VHL: variants seen among roughly 807,000 people sequenced by gnomAD.
VHL encodes von Hippel-Lindau tumor suppressor.
VHL carries 10 observed loss-of-function variants against 19.2 expected under a neutral mutation model. The ratio of observed to expected loss-of-function variants is 0.52; its 90% CI spans 0.32 to 0.89. VHL has a LOEUF of 0.89. VHL is among the 40% of genes least tolerant of loss of function. VHL has a pLI of 0.03. For missense variants in VHL, 328 were observed against 292.7 expected, an observed-to-expected ratio of 1.12 and a Z score of -0.88; for synonymous variants, 167 against 129.5, an observed-to-expected ratio of 1.29 and a Z score of -1.97.
rs556747524 is a variant in VHL at position 10,146,775 on chromosome 3, C to G, written c.463+139C>G. The stretch of plus-strand genomic sequence containing the variant: ...AATCTTTTTGTATCCTATTCTCTAC[C>G]ATAAATAAAATGGAAGTGATGTATT... On this transcript the variant is annotated intron_variant, in intron 2 of 2. Coordinates refer to ENST00000256474, the MANE Select transcript of VHL (RefSeq NM_000551.4). The G allele has an allele frequency of 7.8e-6, 9 of 1,152,742 alleles. No homozygotes were observed. In the African/African-American group the frequency reaches 1.1e-4, roughly 14 times the overall value. The allele number at this position is 1,152,742 out of a possible 1,614,324, so 71.4% of individuals were successfully genotyped here. A position where few individuals can be genotyped will look rare whatever the true frequency, so the allele number is the denominator to read the frequency against.
chr3:10,151,358 T>A lies in VHL; in HGVS notation c.*1393T>A, dbSNP rs1696405456. On this transcript the variant is annotated 3_prime_UTR_variant, in exon 3 of 3. Coordinates refer to ENST00000256474, the MANE Select transcript of VHL (RefSeq NM_000551.4). ...TCAATGCTTCTATCAGACTCAGTTT[T>A]TTGTAACTAATAGATTTTTTTTTCC... 4.6e-6 allele frequency: 1 copy of A among 216,380 alleles called. No individual in the cohort carries two copies. The highest frequency in any genetic ancestry group is 2.2e-5 in the African/African-American group (1 of 44,536). The allele number at this position is 216,380 out of a possible 1,614,324, so 13.4% of individuals were successfully genotyped here.
At chr3:10,144,852 T>G (rs1696218068) in intron 1 of VHL, among the ~76,000 whole-genome samples, 5 of 152,168 alleles carry the variant, frequency 3.3e-5, no homozygotes, top group Admixed American at 3.3e-4. Context: ...GTTGGTGTGC[T>G]GCACCCATAG....
At chr3:10,144,087 A>G (rs1696195019) in intron 1 of VHL, among the ~76,000 whole-genome samples, 1 of 152,204 alleles carries the variant, frequency 6.6e-6, no homozygotes. Flanking sequence ...CCAGGGATCA[A>G]CATTTCTGTA....
At chr3:10,147,401 G>A (rs1414979114) in intron 2 of VHL, among the ~76,000 whole-genome samples, 2 of 149,596 alleles carry the variant, frequency 1.3e-5, no homozygotes, top group Non-Finnish European at 3.0e-5. Context: ...GTCTCACAGT[G>A]TCATCCAGGC....
intron 1 of VHL, among the ~76,000 whole-genome samples, chr3:10,145,702 TCTCAAAAAAA>T (rs1373172702): frequency 2.1e-3 from 142 of 66,786 alleles, no homozygotes; most frequent in African/African-American, 6.6e-3. Flanking sequence ...CAAGACTGCA[TCTCAAAAAAA>T]AAAAAAAGAA....
chr3:10,145,465 G>A (rs1408501970), intron 1 of VHL, among the ~76,000 whole-genome samples: 1 of 151,974 alleles, frequency 6.6e-6, no homozygotes, highest in Non-Finnish European at 1.5e-5. Flanking sequence ...CAGCACTTTG[G>A]GAGGCCGAGG....
rs781063331 is a variant in VHL, at chr3:10,142,105, C to T, written c.258C>T (p.Pro86=). The change falls in exon 1 of 3, where the codon CCC becomes CCT. Residue 86 remains proline (P), a synonymous_variant. Coordinates refer to ENST00000256474, the MANE Select transcript of VHL (RefSeq NM_000551.4). ...FCNRSPRVVL[P]VWLNFDGEPQ... The stretch of plus-strand genomic sequence containing the variant: ...ATCGCAGTCCGCGCGTCGTGCTGCC[C>T]GTATGGCTCAACTTCGACGGCGAGC... The T allele has an allele frequency of 1.9e-6, 3 of 1,603,308 alleles. No homozygotes were observed. Among genetic ancestry groups the T allele is most frequent in the South Asian group, 1.1e-5 (1 of 91,062 alleles).
intron 2 of VHL, among the ~76,000 whole-genome samples, 175 bp from the exon 3 acceptor site, chr3:10,149,612 G>A (rs1176832390): frequency 6.6e-6 from 1 of 152,180 alleles, no homozygotes; most frequent in African/African-American, 2.4e-5. Flanking sequence ...AACACCATGA[G>A]GTGTCCATAG....
At position 10,142,197 on chromosome 3, in the gene VHL, C is replaced by T. The variant is rs777622214; in HGVS notation, c.340+10C>T. 8 of 1,596,164 alleles carry T rather than the reference C, an allele frequency of 5.0e-6. No individual in the cohort carries two copies. The African/African-American group carries it at 5.3e-5, about 11-fold the overall frequency. On this transcript the variant is annotated intron_variant, in intron 1 of 2. Transcript: ENST00000256474. ...ATCCACAGCTACCGAGGTACGGGCCCGGCGCTTAGGCCCGACCCAGCAGGG... is the reference window on the plus strand; with the variant it reads ...ATCCACAGCTACCGAGGTACGGGCCTGGCGCTTAGGCCCGACCCAGCAGGG...
chr3:10,144,704 T>A (rs1696210660), intron 1 of VHL, among the ~76,000 whole-genome samples: 1 of 151,966 alleles, frequency 6.6e-6, no homozygotes, highest in Non-Finnish European at 1.5e-5. Flanking sequence ...TTATTTTTAG[T>A]AGAGATGAGG....
At position 10,141,801 on chromosome 3, in the gene VHL, C is replaced by T. The variant is rs745439844; in HGVS notation, c.-47C>T. 31 of 1,534,626 alleles carry T rather than the reference C, an allele frequency of 2.0e-5. No individual in the cohort carries two copies. The highest frequency in any genetic ancestry group is 1.8e-4 in the African/African-American group (13 of 72,154). ...ACGCAGCTCCGCCCCGCGTCCGACC[C>T]GCGGATCCCGCGGCGTCCGGCCCGG... is the stretch of plus-strand genomic sequence containing the variant. On this transcript the variant is annotated 5_prime_UTR_variant, in exon 1 of 3. Coordinates refer to ENST00000256474, the MANE Select transcript of VHL (RefSeq NM_000551.4).
At chr3:10,148,502 G>A (rs907411356) in intron 2 of VHL, among the ~76,000 whole-genome samples, 3 of 150,812 alleles carry the variant, frequency 2.0e-5, no homozygotes, top group African/African-American at 7.4e-5. Context: ...TTTTAGTAGA[G>A]ACGGGGTTTC....
rs138237298 is a variant in VHL, at chr3:10,152,433, C to T, written c.*2468C>T. Among the ~76,000 whole-genome samples, 163 of 150,176 alleles carry T rather than the reference C, an allele frequency of 1.1e-3. No individual in the cohort carries two copies. The highest frequency in any genetic ancestry group is 3.6e-3 in the Middle Eastern group (1 of 280). On this transcript the variant is annotated 3_prime_UTR_variant, in exon 3 of 3. Coordinates refer to ENST00000256474, the MANE Select transcript of VHL (RefSeq NM_000551.4). ...AGACACTCCAGTTTTCCTTCTACTCCGAATTTCAACTGATTTTAGCTCCTC... is the reference window on the plus strand; with the variant it reads ...AGACACTCCAGTTTTCCTTCTACTCTGAATTTCAACTGATTTTAGCTCCTC...
chr3:10,141,856 G>T lies in VHL; in HGVS notation c.9G>T (p.Arg3=), dbSNP rs1696113334. 6.5e-7 allele frequency: 1 copy of T among 1,535,996 alleles called. No individual in the cohort carries two copies. The highest frequency in any genetic ancestry group is 8.8e-7 in the Non-Finnish European group (1 of 1,139,862). The change falls in exon 1 of 3, where the codon CGG becomes CGT. Residue 3 remains arginine, a synonymous_variant. Transcript: ENST00000256474. MP[R]RAENWDEAEV... The stretch of plus-strand genomic sequence containing the variant: ...TCTGGATCGCGGAGGGAATGCCCCG[G>T]AGGGCGGAGAACTGGGACGAGGCCG...
chr3:10,142,516 T>A, intron 1 of VHL: 1 of 350,868 alleles, frequency 2.9e-6, no homozygotes, highest in Non-Finnish European at 5.3e-6. Context: ...CGGCTGATTT[T>A]TATATTTTTA....
intron 1 of VHL, among the ~76,000 whole-genome samples, chr3:10,145,720 GAAAAA>G (rs537394263): frequency 1.7e-4 from 22 of 133,004 alleles, no homozygotes; most frequent in Middle Eastern, 3.9e-3. Context: ...AAAAAAAAAA[GAAAAA>G]GAAAAGAAAA....
intron 1 of VHL, among the ~76,000 whole-genome samples, chr3:10,146,189 T>C (rs1696250297): frequency 6.6e-6 from 1 of 151,232 alleles, no homozygotes; most frequent in Non-Finnish European, 1.5e-5. Context: ...TTTTTTTTTT[T>C]TGGAGACGGA....
rs1575937960 is a variant in VHL at position 10,153,624 on chromosome 3, T to TA, written c.*3662dup. 2.0e-5 allele frequency among the ~76,000 whole-genome samples: 3 copies of TA among 152,098 alleles called. No individual in the cohort carries two copies. The East Asian group carries it at 5.8e-4, about 29-fold the overall frequency. ...AAGTTTTTTTTTTTTTTTTTTTTTTTAAAGCTGTTTTTTAATACATTAAAT... is the reference window on the plus strand; with the variant it reads ...AAGTTTTTTTTTTTTTTTTTTTTTTTAAAAGCTGTTTTTTAATACATTAAAT... On this transcript the variant is annotated 3_prime_UTR_variant, in exon 3 of 3. Coordinates refer to ENST00000256474, the MANE Select transcript of VHL (RefSeq NM_000551.4).
chr3:10,146,788 G>A (rs1197022269), intron 2 of VHL, 152 bp downstream of exon 2: 1 of 1,107,134 alleles, frequency 9.0e-7, no homozygotes, highest in East Asian at 2.5e-5. Flanking sequence ...AAATAAAATG[G>A]AAGTGATGTA....
Sources: gnomAD v4.1 joint callset for allele counts (sites outside exome capture counted in the v4.1 genomes callset) on GRCh38, gnomAD v4.1.1 for gene constraint, MANE v1.5 for transcripts, NCBI Gene and HGNC (gene_info 2026-07-23, HGNC 2026-07-21) for gene names.